HMGCLL1: variants seen among roughly 807,000 people sequenced by gnomAD.
HMGCLL1 encodes 3-hydroxy-3-methylglutaryl-CoA lyase like 1.
In HMGCLL1, 36 loss-of-function variants were observed where a neutral mutation model predicts 39.1. That is an observed-to-expected ratio of 0.92 (90% CI 0.71 to 1.22). The LOEUF (loss-of-function observed/expected upper bound fraction) is 1.22, where lower values mean the gene tolerates loss of function less well. HMGCLL1 is among the 50% of genes most tolerant of loss of function. The pLI is 0.00. For synonymous variants in HMGCLL1, 149 were observed against 144.0 expected (o/e 1.03, Z -0.25); for missense variants, 451 against 416.5 (o/e 1.08, Z -0.72).
chr6:55,613,275 A>G, the HMGCLL1 span, among the ~76,000 whole-genome samples: 1 of 152,214 alleles, frequency 6.6e-6, no homozygotes, highest in Non-Finnish European at 1.5e-5. Context: ...AATGGTGATT[A>G]TTACAAAGTC....
intron 8 of HMGCLL1, among the ~76,000 whole-genome samples, chr6:55,436,088 AG>A: frequency 6.6e-6 from 1 of 151,978 alleles, no homozygotes; most frequent in East Asian, 1.9e-4. Flanking sequence ...CAGTCAACAA[AG>A]CATCAGCGAA....
At chr6:55,671,213 T>C in the HMGCLL1 span, among the ~76,000 whole-genome samples, 1 of 151,788 alleles carries the variant, frequency 6.6e-6, no homozygotes, top group Non-Finnish European at 1.5e-5. Context: ...TTACGTTTCT[T>C]GGTAAAAGGA....
chr6:55,439,577 C>T lies in HMGCLL1; in HGVS notation c.796-18G>A, dbSNP rs2127380120. On this transcript the variant is annotated intron_variant, in intron 7 of 8. Coordinates refer to ENST00000274901, the MANE Select transcript of HMGCLL1 (RefSeq NM_001042406.2). Reference sequence around the variant, plus strand: ...ATTCCCATCTGGAAAACAAACCAAACCACCTAAAGCTTGTGTGTTTATGGC... The same window carrying T: ...ATTCCCATCTGGAAAACAAACCAAATCACCTAAAGCTTGTGTGTTTATGGC... 1.2e-6 allele frequency: 2 copies of T among 1,609,860 alleles called. No individual in the cohort carries two copies. The highest frequency in any genetic ancestry group is 4.5e-5 in the East Asian group (2 of 44,796).
At chr6:55,491,931 A>G (rs116823477) in intron 7 of HMGCLL1, among the ~76,000 whole-genome samples, 2,508 of 152,064 alleles carry the variant, frequency 0.016, 37 homozygotes, top group Non-Finnish European at 0.029. Flanking sequence ...TAAGTAATAA[A>G]AAAAAAATAA....
intron 7 of HMGCLL1, among the ~76,000 whole-genome samples, chr6:55,474,557 A>G (rs911601421): frequency 3.3e-5 from 5 of 151,346 alleles, no homozygotes; most frequent in Non-Finnish European, 7.4e-5. Context: ...ATCCCTTCAC[A>G]TATTAGTCAT....
At chr6:55,615,646 A>G in the HMGCLL1 span, among the ~76,000 whole-genome samples, 3 of 152,148 alleles carry the variant, frequency 2.0e-5, no homozygotes, top group African/African-American at 7.2e-5. Context: ...GAAAAGATTT[A>G]CCTATAGACT....
At chr6:55,578,755 C>G (rs926967958) in intron 1 of HMGCLL1, among the ~76,000 whole-genome samples, 193 bp downstream of exon 1, 1 of 152,044 alleles carries the variant, frequency 6.6e-6, no homozygotes, top group African/African-American at 2.4e-5. Flanking sequence ...AGAGGCGGGT[C>G]GATACATTCA....
intron 7 of HMGCLL1, among the ~76,000 whole-genome samples, chr6:55,472,713 A>G (rs1274872064): frequency 2.0e-5 from 3 of 151,508 alleles, no homozygotes; most frequent in African/African-American, 7.3e-5. Context: ...ATCTTGCATT[A>G]ATATGTATTC....
At chr6:55,656,846 T>C in the HMGCLL1 span, among the ~76,000 whole-genome samples, 1 of 151,944 alleles carries the variant, frequency 6.6e-6, no homozygotes, top group Non-Finnish European at 1.5e-5. Context: ...TGAGTGAATG[T>C]TGATGAAGGG....
intron 3 of HMGCLL1, among the ~76,000 whole-genome samples, chr6:55,526,245 G>A (rs1337402619): frequency 6.6e-6 from 1 of 151,816 alleles, no homozygotes; most frequent in African/African-American, 2.4e-5. Flanking sequence ...ACTATTTCAG[G>A]TCTCTGATCC....
At chr6:55,507,466 C>T (rs958368133) in intron 5 of HMGCLL1, among the ~76,000 whole-genome samples, 32 of 148,264 alleles carry the variant, frequency 2.2e-4, no homozygotes, top group Middle Eastern at 3.4e-3. Flanking sequence ...TCCCAATGAT[C>T]TGGGCTGGAC....
chr6:55,491,164 C>T (rs576694361), intron 7 of HMGCLL1, among the ~76,000 whole-genome samples: 2 of 152,130 alleles, frequency 1.3e-5, no homozygotes, highest in Non-Finnish European at 2.9e-5. Context: ...AGAGGTTTAT[C>T]TGGCTAGTAA....
At chr6:55,653,838 G>A in the HMGCLL1 span, among the ~76,000 whole-genome samples, 520 of 152,062 alleles carry the variant, frequency 3.4e-3, 2 homozygotes, top group African/African-American at 0.012. Context: ...GATTACAAAT[G>A]AGGCACAGTC....
the HMGCLL1 span, among the ~76,000 whole-genome samples, chr6:55,613,941 A>C: frequency 6.6e-6 from 1 of 152,166 alleles, no homozygotes; most frequent in African/African-American, 2.4e-5. Flanking sequence ...AGTAAAATAA[A>C]ATTTTAAAAA....
the HMGCLL1 span, among the ~76,000 whole-genome samples, chr6:55,622,404 G>C: frequency 1.3e-5 from 2 of 152,048 alleles, no homozygotes; most frequent in Non-Finnish European, 2.9e-5. Flanking sequence ...CTAGCTGTCA[G>C]TCTGTCATAT....
chr6:55,668,598 T>C, the HMGCLL1 span, among the ~76,000 whole-genome samples: 1 of 151,816 alleles, frequency 6.6e-6, no homozygotes, highest in African/African-American at 2.4e-5. Context: ...ACCAGAATTC[T>C]AATCACCACT....
At chr6:55,475,032 C>G (rs953262287) in intron 7 of HMGCLL1, among the ~76,000 whole-genome samples, 3 of 151,428 alleles carry the variant, frequency 2.0e-5, no homozygotes, top group African/African-American at 7.3e-5. Context: ...AAATTTCAGA[C>G]TTGTAGTGGG....
chr6:55,616,333 C>T, the HMGCLL1 span, among the ~76,000 whole-genome samples: 1 of 152,078 alleles, frequency 6.6e-6, no homozygotes, highest in Non-Finnish European at 1.5e-5. Context: ...TCCAATCTAA[C>T]CTGCTGGACA....
intron 7 of HMGCLL1, among the ~76,000 whole-genome samples, chr6:55,449,754 C>T (rs1272509591): frequency 6.6e-6 from 1 of 152,046 alleles, no homozygotes; most frequent in Non-Finnish European, 1.5e-5. Flanking sequence ...TAGTTGTCAT[C>T]TCATTTACAA....
Sources: gnomAD v4.1 joint callset for allele counts (sites outside exome capture counted in the v4.1 genomes callset) on GRCh38, gnomAD v4.1.1 for gene constraint, MANE v1.5 for transcripts, NCBI Gene and HGNC (gene_info 2026-07-23, HGNC 2026-07-21) for gene names.